LSM14A: variants seen among roughly 807,000 people sequenced by gnomAD.
LSM14A encodes protein LSM14 homolog A.
LSM14A carries 14 observed loss-of-function variants against 52.4 expected under a neutral mutation model. The ratio of observed to expected loss-of-function variants is 0.27; its 90% CI spans 0.18 to 0.42. LSM14A has a LOEUF of 0.42. LSM14A is among the 10% of genes least tolerant of loss of function. The pLI, the probability that LSM14A is intolerant of heterozygous loss-of-function variation, is 1.00. For synonymous variants in LSM14A, 185 were observed against 200.3 expected (o/e 0.92, Z 0.64); for missense variants, 417 against 581.8 (o/e 0.72, Z 2.91).
chr19:34,223,710 C>G (rs890103348), intron 9 of LSM14A, among the ~76,000 whole-genome samples: 7 of 152,216 alleles, frequency 4.6e-5, no homozygotes, highest in African/African-American at 1.7e-4. Context: ...TTTTGAACAA[C>G]CTGTGACAAC....
intron 6 of LSM14A, 42 bp from the exon 7 acceptor site, chr19:34,219,349 T>C (rs778619719): frequency 2.1e-6 from 3 of 1,415,560 alleles, no homozygotes. Flanking sequence ...AACCAGCTAT[T>C]ACATATTGAA....
At chr19:34,187,586 A>G (rs2070020796) in intron 1 of LSM14A, among the ~76,000 whole-genome samples, 1 of 152,162 alleles carries the variant, frequency 6.6e-6, no homozygotes, top group African/African-American at 2.4e-5. Flanking sequence ...CACCATGCCC[A>G]GCCTGGAAAA....
intron 3 of LSM14A, 23 bp downstream of exon 3, chr19:34,196,786 T>G (rs1310106353): frequency 6.3e-7 from 1 of 1,581,562 alleles, no homozygotes; most frequent in African/African-American, 1.4e-5. Flanking sequence ...TTTCTTTTCT[T>G]TTTTTGTTTT....
intron 1 of LSM14A, among the ~76,000 whole-genome samples, chr19:34,180,868 A>G (rs528260589): frequency 2.2e-4 from 33 of 152,164 alleles, no homozygotes; most frequent in Admixed American, 3.9e-4. Flanking sequence ...GTCACTTCCT[A>G]GCAGTCACAC....
rs1291522694 is a variant in LSM14A, at chr19:34,172,559, C to G, written c.-84C>G. On this transcript the variant is annotated 5_prime_UTR_variant, in exon 1 of 10. Transcript: ENST00000544216. The stretch of plus-strand genomic sequence containing the variant: ...CTGAAGCGGCTGCTGTAGGCGCCGA[C>G]GGAGCGAGCGGGCGTGCGGAGCGGG... The G allele has an allele frequency of 2.8e-6, 4 of 1,405,468 alleles. No homozygotes were observed. 87.1% of individuals were successfully genotyped at this position (1,405,468 alleles called of 1,614,324 possible).
chr19:34,173,147 G>T (rs533683371), intron 1 of LSM14A, among the ~76,000 whole-genome samples: 1 of 152,318 alleles, frequency 6.6e-6, no homozygotes, highest in African/African-American at 2.4e-5. Context: ...TGAGTTCATC[G>T]CGGATGCGTT....
chr19:34,189,369 A>G (rs1006369044), intron 1 of LSM14A, among the ~76,000 whole-genome samples: 1 of 152,188 alleles, frequency 6.6e-6, no homozygotes, highest in Non-Finnish European at 1.5e-5. Flanking sequence ...ATCAAATCCA[A>G]GTAAGCAAAT....
rs548517114 is a variant in LSM14A at position 34,179,728 on chromosome 19, C to G, written c.121+6965C>G. ...AGTAGGAAGAAAAAAGAAATCTTAT[C>G]TGTGCATGATACATAGCAGGAGTTT... On this transcript the variant is annotated intron_variant, in intron 1 of 9. Transcript: ENST00000544216. Among the ~76,000 whole-genome samples, 10 of 152,234 alleles carry G rather than the reference C, an allele frequency of 6.6e-5. No homozygotes were observed. In the South Asian group the frequency reaches 2.1e-3, roughly 32 times the overall value.
chr19:34,196,595 G>A, intron 2 of LSM14A, 39 bp from the exon 3 acceptor site: 1 of 1,548,766 alleles, frequency 6.5e-7, no homozygotes, highest in Non-Finnish European at 8.7e-7. Context: ...TATACATGTT[G>A]CTTAGAGCTT....
intron 3 of LSM14A, among the ~76,000 whole-genome samples, chr19:34,201,445 C>T (rs184954851): frequency 3.9e-5 from 6 of 152,292 alleles, no homozygotes; most frequent in Admixed American, 2.0e-4. Context: ...CGGGTTCAAG[C>T]GAGTCTCCTG....
chr19:34,221,890 A>G (rs915696589), intron 9 of LSM14A, 152 bp downstream of exon 9: 171 of 1,391,136 alleles, frequency 1.2e-4, no homozygotes, highest in Non-Finnish European at 1.5e-4. Context: ...CGTGATTCAG[A>G]TGTATATATA....
chr19:34,216,529 A>T (rs1338747902), intron 6 of LSM14A, among the ~76,000 whole-genome samples: 1 of 151,672 alleles, frequency 6.6e-6, no homozygotes, highest in Non-Finnish European at 1.5e-5. Flanking sequence ...GTGTGATCTC[A>T]GCTCACGGCA....
At chr19:34,206,821 A>G (rs576096700) in intron 3 of LSM14A, among the ~76,000 whole-genome samples, 2 of 152,302 alleles carry the variant, frequency 1.3e-5, no homozygotes, top group East Asian at 3.9e-4. Context: ...TAAACGTAGT[A>G]ATGTTTATTA....
chr19:34,178,187 A>G (rs1182637524), intron 1 of LSM14A, among the ~76,000 whole-genome samples: 1 of 151,872 alleles, frequency 6.6e-6, no homozygotes, highest in African/African-American at 2.4e-5. Flanking sequence ...CAAAATAATA[A>G]TAATAATCTG....
chr19:34,209,717 A>T (rs1036999380), intron 4 of LSM14A, among the ~76,000 whole-genome samples: 5 of 151,656 alleles, frequency 3.3e-5, no homozygotes, highest in African/African-American at 1.2e-4. Flanking sequence ...TTATTTACTT[A>T]TTAGAGATGA....
intron 8 of LSM14A, 27 bp downstream of exon 8, chr19:34,219,904 C>T (rs2072934884): frequency 6.7e-7 from 1 of 1,485,552 alleles, no homozygotes; most frequent in Admixed American, 1.8e-5. Flanking sequence ...GTTCTTTTAT[C>T]TTATGATATT....
chr19:34,179,640 T>A (rs1030291645), intron 1 of LSM14A, among the ~76,000 whole-genome samples: 8 of 152,072 alleles, frequency 5.3e-5, no homozygotes, highest in African/African-American at 1.9e-4. Context: ...AAGCCATGAT[T>A]TTCTAAGTCG....
chr19:34,194,471 T>A lies in LSM14A; in HGVS notation c.122-7T>A. 6.2e-7 allele frequency: 1 copy of A among 1,613,546 alleles called. No individual in the cohort carries two copies. Among genetic ancestry groups the A allele is most frequent in the Non-Finnish European group, 8.5e-7 (1 of 1,179,590 alleles). ...CACACATCTCATATCCTTTGTTTTC[T>A]TGCCAGTTCGATCCTTTGGTACAGA... On this transcript the variant is annotated splice_region_variant and splice_polypyrimidine_tract_variant and intron_variant, in intron 1 of 9. Coordinates refer to ENST00000544216, the MANE Select transcript of LSM14A (RefSeq NM_015578.4).
chr19:34,182,776 G>A (rs1440397433), intron 1 of LSM14A, among the ~76,000 whole-genome samples: 2 of 148,562 alleles, frequency 1.3e-5, no homozygotes, highest in East Asian at 2.0e-4. Flanking sequence ...CCCGGGAGGC[G>A]GAGCTTGCAG....
Sources: allele counts gnomAD v4.1 joint callset (sites outside exome capture counted in the v4.1 genomes callset), GRCh38; gene constraint gnomAD v4.1.1; transcripts MANE v1.5; gene names NCBI Gene and HGNC (gene_info 2026-07-23, HGNC 2026-07-21).